SEM1: variants seen among roughly 807,000 people sequenced by gnomAD.
The protein encoded by SEM1 is 26S proteasome complex subunit SEM1.
A neutral mutation model predicts 12.7 loss-of-function variants in SEM1; 3 were observed. The ratio of observed to expected loss-of-function variants is 0.24; its 90% CI spans 0.11 to 0.61. The LOEUF (loss-of-function observed/expected upper bound fraction) is 0.61, where lower values mean the gene tolerates loss of function less well. Ranked by LOEUF, SEM1 falls within the 20% of genes least tolerant of loss-of-function variation. SEM1 has a pLI of 0.88. For missense variants in SEM1, 59 were observed against 81.3 expected, an observed-to-expected ratio of 0.73 and a Z score of 1.06; for synonymous variants, 30 against 27.8, an observed-to-expected ratio of 1.08 and a Z score of -0.25.
At chr7:96,699,322 TCTG>T (rs1790199711) in intron 1 of SEM1, among the ~76,000 whole-genome samples, 1 of 152,208 alleles carries the variant, frequency 6.6e-6, no homozygotes, top group South Asian at 2.1e-4. Flanking sequence ...ATTTCGACAA[TCTG>T]CTAATTAACC....
intron 2 of SEM1, among the ~76,000 whole-genome samples, chr7:96,576,994 G>T (rs1329133307): frequency 1.3e-5 from 2 of 152,066 alleles, no homozygotes; most frequent in African/African-American, 4.8e-5. Flanking sequence ...GCATGTGCCT[G>T]TAATCCCAGC....
At chr7:96,539,493 G>C (rs1361393054) in intron 2 of SEM1, among the ~76,000 whole-genome samples, 1 of 151,066 alleles carries the variant, frequency 6.6e-6, no homozygotes, top group East Asian at 1.9e-4. Flanking sequence ...ATATGGCACT[G>C]AGCCATTTAA....
At chr7:96,523,583 G>A (rs1232422684) in intron 2 of SEM1, among the ~76,000 whole-genome samples, 1 of 152,018 alleles carries the variant, frequency 6.6e-6, no homozygotes, top group East Asian at 1.9e-4. Context: ...AGCTTTTGTT[G>A]CGGTTCAGAC....
downstream of SEM1, among the ~76,000 whole-genome samples, chr7:96,619,862 G>A (rs775487089): frequency 1.3e-5 from 2 of 152,084 alleles, no homozygotes; most frequent in Non-Finnish European, 1.5e-5. Context: ...GTGCAGCCAC[G>A]TCAACTCGAA....
chr7:96,617,893 TGA>T (rs1807768798), downstream of SEM1, among the ~76,000 whole-genome samples: 9 of 152,206 alleles, frequency 5.9e-5, no homozygotes, highest in Non-Finnish European at 1.3e-4. Context: ...AAATCCCACC[TGA>T]TCATGGTGTA....
intron 1 of SEM1, among the ~76,000 whole-genome samples, chr7:96,490,383 C>G (rs1028327731): frequency 6.6e-6 from 1 of 152,060 alleles, no homozygotes; most frequent in Non-Finnish European, 1.5e-5. Context: ...GGGAACATAC[C>G]TATAAAGAGC....
intron 2 of SEM1, among the ~76,000 whole-genome samples, chr7:96,552,917 G>C (rs1260240109): frequency 6.7e-6 from 1 of 149,194 alleles, no homozygotes; most frequent in Non-Finnish European, 1.5e-5. Flanking sequence ...TCTCATTGTG[G>C]TTTTGATTTG....
chr7:96,515,679 T>G (rs911182864), intron 2 of SEM1, among the ~76,000 whole-genome samples: 41 of 152,130 alleles, frequency 2.7e-4, no homozygotes, highest in Non-Finnish European at 4.6e-4. Context: ...ATATACACCA[T>G]GGAATACTAT....
At chr7:96,693,146 T>C (rs970160543) in intron 2 of SEM1, among the ~76,000 whole-genome samples, 1 of 152,044 alleles carries the variant, frequency 6.6e-6, no homozygotes, top group Middle Eastern at 3.4e-3. Flanking sequence ...CTATTAGAAA[T>C]CAAAGTTTAA....
At chr7:96,573,419 C>T (rs1806104863) in intron 2 of SEM1, among the ~76,000 whole-genome samples, 1 of 152,140 alleles carries the variant, frequency 6.6e-6, no homozygotes, top group Non-Finnish European at 1.5e-5. Context: ...TGTTCCTTTC[C>T]ATATTTAGTG....
intron 1 of SEM1, chr7:96,696,439 T>C (rs1790101590): frequency 6.6e-6 from 1 of 152,036 alleles, no homozygotes; most frequent in South Asian, 2.1e-4. Context: ...TAGATAAACT[T>C]TGTAGCCTTA....
chr7:96,538,653 G>A (rs1019688383), intron 2 of SEM1, among the ~76,000 whole-genome samples: 1 of 151,746 alleles, frequency 6.6e-6, no homozygotes, highest in African/African-American at 2.4e-5. Flanking sequence ...TATGGAGGAG[G>A]GGAAGCATTG....
chr7:96,584,985 A>C (rs1004672175), intron 2 of SEM1, among the ~76,000 whole-genome samples: 1 of 151,600 alleles, frequency 6.6e-6, no homozygotes, highest in Non-Finnish European at 1.5e-5. Context: ...GTCATTCTCC[A>C]TCCAGCTTTG....
intron 1 of SEM1, among the ~76,000 whole-genome samples, chr7:96,706,582 A>C (rs1218825762): frequency 6.7e-6 from 1 of 149,706 alleles, no homozygotes; most frequent in East Asian, 1.9e-4. Flanking sequence ...AAAAAAAAAA[A>C]AAAAAAAAAA....
At chr7:96,607,832 C>G (rs1807428878) in intron 2 of SEM1, among the ~76,000 whole-genome samples, 1 of 152,148 alleles carries the variant, frequency 6.6e-6, no homozygotes, top group Admixed American at 6.5e-5. Context: ...ATCTTAATCT[C>G]TAGGTAGTGT....
Position 96,599,217 on chromosome 7 carries a change from A to G in SEM1, c.171-92519T>C, listed in dbSNP as rs148751781. Among the ~76,000 whole-genome samples, 12 of 152,234 alleles carry G rather than the reference A, an allele frequency of 7.9e-5. No individual in the cohort carries two copies. In the East Asian group the frequency reaches 2.3e-3, roughly 29 times the overall value. On this transcript the variant is annotated intron_variant and NMD_transcript_variant, in intron 2 of 3. Transcript: ENST00000466986. ...CATAGCACTTGGTTTTGCCTGAAGG[A>G]AAAAGCTAATGAACAAGTATTTTTT...
intron 2 of SEM1, among the ~76,000 whole-genome samples, chr7:96,657,099 T>A (rs1374804457): frequency 1.3e-5 from 2 of 152,142 alleles, no homozygotes; most frequent in Non-Finnish European, 2.9e-5. Context: ...AAATTTAAGT[T>A]GGACACTTTG....
At chr7:96,618,896 A>G (rs1490990201), downstream of SEM1, among the ~76,000 whole-genome samples, 2 of 152,138 alleles carry the variant, frequency 1.3e-5, no homozygotes, top group Non-Finnish European at 2.9e-5. Context: ...GGCTGCAGTG[A>G]GCCATGATTA....
At chr7:96,623,795 G>T (rs1347618787) in intron 2 of SEM1, among the ~76,000 whole-genome samples, 3 of 152,048 alleles carry the variant, frequency 2.0e-5, no homozygotes, top group African/African-American at 7.2e-5. Flanking sequence ...TTATCTCAAA[G>T]TTCCAGAAAC....
Sources: gnomAD v4.1 joint callset for allele counts (sites outside exome capture counted in the v4.1 genomes callset) on GRCh38, gnomAD v4.1.1 for gene constraint, MANE v1.5 for transcripts, NCBI Gene and HGNC (gene_info 2026-07-23, HGNC 2026-07-21) for gene names.